The following PHLDB2 variants were observed in gnomAD, a reference collection of about 807,000 sequenced individuals.
The protein encoded by PHLDB2 is pleckstrin homology-like domain family B member 2.
A neutral mutation model predicts 123.6 loss-of-function variants in PHLDB2; 71 were observed. That is an observed-to-expected ratio of 0.57 (90% confidence interval 0.47 to 0.70). The LOEUF is 0.70. PHLDB2 is among the 30% of genes least tolerant of loss of function. The pLI, the probability that PHLDB2 is intolerant of heterozygous loss-of-function variation, is 0.00. For missense variants in PHLDB2, 1,446 were observed against 1,519.5 expected (o/e 0.95, Z 0.80); for synonymous variants, 547 against 541.6 (o/e 1.01, Z -0.14).
chr3:111,772,065 CA>C lies in PHLDB2; in HGVS notation c.-49+39370del, dbSNP rs35909709. On this transcript the variant is annotated intron_variant, in intron 1 of 17. Transcript: ENST00000393923. Reference sequence around the variant, plus strand: ...TTGGTATAAAATACCTTCTGCTCCTCAAAAAAAAGACTAATGCTGCATTGAA... The same window carrying C: ...TTGGTATAAAATACCTTCTGCTCCTCAAAAAAAGACTAATGCTGCATTGAA... Among the ~76,000 whole-genome samples, 661 of 151,576 alleles carry C rather than the reference CA, an allele frequency of 4.4e-3. 7 individuals carry two copies. The highest frequency in any genetic ancestry group is 0.015 in the African/African-American group (602 of 41,358).
intron 2 of PHLDB2, among the ~76,000 whole-genome samples, chr3:111,852,951 C>A (rs1450191125): frequency 1.3e-5 from 2 of 152,058 alleles, no homozygotes; most frequent in African/African-American, 2.4e-5. Flanking sequence ...AAAGATAAAC[C>A]AGCACATGGG....
upstream of PHLDB2, among the ~76,000 whole-genome samples, chr3:111,856,463 C>T (rs1481925646): frequency 6.6e-6 from 1 of 152,192 alleles, no homozygotes; most frequent in Non-Finnish European, 1.5e-5. Context: ...CTCACCGCAT[C>T]AACTAATATT....
intron 2 of PHLDB2, among the ~76,000 whole-genome samples, chr3:111,850,141 A>G (rs897870318): frequency 2.0e-5 from 3 of 151,702 alleles, no homozygotes; most frequent in African/African-American, 2.4e-5. Context: ...GATTACAGGC[A>G]TAAGCCACCG....
At chr3:111,823,525 T>A (rs2062504619) in intron 1 of PHLDB2, among the ~76,000 whole-genome samples, 1 of 152,150 alleles carries the variant, frequency 6.6e-6, no homozygotes, top group African/African-American at 2.4e-5. Context: ...AGTCAGTGGG[T>A]CAACGGAGTG....
chr3:111,913,342 C>T lies in PHLDB2; in HGVS notation c.1359C>T (p.Ile453=). The part of the protein sequence containing the change: ...ERLERQRLET[I]LSLCAEYTKP... ...AGGAGAGACAGCGTCTGGAGACCAT[C>T]CTCAGTCTCTGTGCTGAATACACAA... The change falls in exon 3 of 18, where the codon ATC becomes ATT. Residue 453 remains isoleucine (I), a synonymous_variant. Transcript: ENST00000431670. The T allele has an allele frequency of 6.2e-7, 1 of 1,605,980 alleles. No homozygotes were observed. The highest frequency in any genetic ancestry group is 8.5e-7 in the Non-Finnish European group (1 of 1,176,324).
chr3:111,869,012 G>C (rs576737315), intron 1 of PHLDB2, among the ~76,000 whole-genome samples: 1 of 152,266 alleles, frequency 6.6e-6, no homozygotes, highest in African/African-American at 2.4e-5. Flanking sequence ...AGACCTATAA[G>C]ATTTCTAACA....
At chr3:111,741,254 C>T (rs1021714971) in intron 1 of PHLDB2, among the ~76,000 whole-genome samples, 1 of 152,224 alleles carries the variant, frequency 6.6e-6, no homozygotes, top group African/African-American at 2.4e-5. Flanking sequence ...TCAAGGAAGT[C>T]AGAGTCCATG....
At chr3:111,809,436 C>G (rs928781926) in intron 1 of PHLDB2, among the ~76,000 whole-genome samples, 3 of 152,228 alleles carry the variant, frequency 2.0e-5, no homozygotes, top group Non-Finnish European at 2.9e-5. Context: ...TGTCAGTAAT[C>G]TGAAAAGTCT....
chr3:111,808,810 A>G (rs1483365337), intron 1 of PHLDB2, among the ~76,000 whole-genome samples: 1 of 152,166 alleles, frequency 6.6e-6, no homozygotes, highest in Non-Finnish European at 1.5e-5. Flanking sequence ...TATAACCCTA[A>G]GGTATTTTCC....
intron 12 of PHLDB2, chr3:111,961,899 G>A (rs913570595): frequency 6.9e-5 from 38 of 553,276 alleles, no homozygotes; most frequent in Non-Finnish European, 1.1e-4. Context: ...CTGCTGAGGG[G>A]TAAGAGACTC....
chr3:111,959,472 T>C (rs976175517), intron 12 of PHLDB2, among the ~76,000 whole-genome samples: 1 of 152,240 alleles, frequency 6.6e-6, no homozygotes, highest in African/African-American at 2.4e-5. Flanking sequence ...GGCCTCATGC[T>C]TTTTCGTTTA....
At chr3:111,893,144 A>G (rs1189756275) in intron 2 of PHLDB2, among the ~76,000 whole-genome samples, 1 of 152,060 alleles carries the variant, frequency 6.6e-6, no homozygotes, top group Non-Finnish European at 1.5e-5. Flanking sequence ...ATGTTGAGCC[A>G]TATTATAAGT....
intron 1 of PHLDB2, among the ~76,000 whole-genome samples, chr3:111,746,826 T>C (rs1454195618): frequency 3.3e-5 from 5 of 152,230 alleles, no homozygotes; most frequent in Non-Finnish European, 7.3e-5. Context: ...AACTTTTTGG[T>C]ATTTTAGAAT....
chr3:111,755,225 G>A (rs1206453272), intron 1 of PHLDB2, among the ~76,000 whole-genome samples: 6 of 140,044 alleles, frequency 4.3e-5, no homozygotes, highest in Non-Finnish European at 9.4e-5. Context: ...CAGAAGGAAT[G>A]GTACCAGTTC....
At chr3:111,786,882 T>C (rs1392708276) in intron 1 of PHLDB2, among the ~76,000 whole-genome samples, 1 of 152,198 alleles carries the variant, frequency 6.6e-6, no homozygotes, top group Non-Finnish European at 1.5e-5. Flanking sequence ...CTATGCCTAT[T>C]TTAATAAACT....
At chr3:111,732,831 A>T (rs1202290521) in intron 1 of PHLDB2, 3 of 692,350 alleles carry the variant, frequency 4.3e-6, no homozygotes, top group Non-Finnish European at 7.1e-6. Flanking sequence ...TGTGTGTCTG[A>T]ATTCAGTCAT....
In PHLDB2 at chr3:111,932,329, G is replaced by A. The variant is rs1261712612; in HGVS notation, c.2062G>A (p.Glu688Lys). ...KLERLQELYSEQKTQLDNCPE... is the reference protein window; with the variant it reads ...KLERLQELYSKQKTQLDNCPE... ...AGAGAGGCTTCAGGAGCTTTACTCCGAGCAGAAGACCCAGCTGGACAATTG... is the reference window on the plus strand; with the variant it reads ...AGAGAGGCTTCAGGAGCTTTACTCCAAGCAGAAGACCCAGCTGGACAATTG... Residue 688 changes from glutamate to lysine, a missense_variant, in exon 6 of 18, where the codon GAG becomes AAG. By Grantham distance (56) the Glu-to-Lys change is moderately conservative (BLOSUM62 1). Transcript: ENST00000431670. 3.2e-5 allele frequency: 49 copies of A among 1,551,486 alleles called. No homozygotes were observed. In the African/African-American group the frequency reaches 3.3e-4, roughly 10 times the overall value.
chr3:111,831,030 A>AAAGAAAGAAAGAAAGG (rs1559855366), intron 1 of PHLDB2, among the ~76,000 whole-genome samples: 112 of 71,938 alleles, frequency 1.6e-3, no homozygotes, highest in Non-Finnish European at 2.5e-3. Context: ...AGAAAGAAAG[A>AAAGAAAGAAAGAAAGG]AAGGAAGGAA....
chr3:111,953,222 G>C (rs2070821845), intron 11 of PHLDB2, among the ~76,000 whole-genome samples: 1 of 152,124 alleles, frequency 6.6e-6, no homozygotes, highest in Non-Finnish European at 1.5e-5. Flanking sequence ...CCCTCAGCTG[G>C]TATGTAGTGG....
Sources: allele counts gnomAD v4.1 joint callset (sites outside exome capture counted in the v4.1 genomes callset), GRCh38; gene constraint gnomAD v4.1.1; transcripts MANE v1.5; gene names NCBI Gene and HGNC (gene_info 2026-07-23, HGNC 2026-07-21).